Variants in AOPEP observed in about 807,000 individuals in gnomAD.
The protein encoded by AOPEP is aminopeptidase O.
Under a neutral mutation model 98.1 loss-of-function variants are expected in AOPEP, and 77 were observed. The observed-to-expected ratio is 0.78, with a 90% CI of 0.65 to 0.95. The LOEUF (loss-of-function observed/expected upper bound fraction) is 0.95, where lower values mean the gene tolerates loss of function less well. Ranked by LOEUF, AOPEP falls within the 40% of genes least tolerant of loss-of-function variation. AOPEP has a pLI of 0.00. For missense variants in AOPEP, 1,024 were observed against 1,024.7 expected (o/e 1.00, Z 0.01); for synonymous variants, 346 against 365.3 (o/e 0.95, Z 0.60).
chr9:94,743,698 G>C (rs1490750851), intron 1 of AOPEP, among the ~76,000 whole-genome samples: 1 of 152,200 alleles, frequency 6.6e-6, no homozygotes, highest in Non-Finnish European at 1.5e-5. Context: ...GCTGGGAATG[G>C]AGTGGAGGAC....
the AOPEP span, among the ~76,000 whole-genome samples, chr9:95,109,262 A>C: frequency 3.0e-4 from 45 of 152,258 alleles, no homozygotes; most frequent in East Asian, 5.8e-3. Flanking sequence ...CATGGTTAGG[A>C]TATACCACAC....
chr9:94,832,505 T>C (rs1856210303), intron 5 of AOPEP, among the ~76,000 whole-genome samples: 2 of 152,198 alleles, frequency 1.3e-5, no homozygotes, highest in African/African-American at 2.4e-5. Flanking sequence ...CAAGATAGAC[T>C]TTGACTCCAA....
At chr9:95,119,904 G>A in the AOPEP span, among the ~76,000 whole-genome samples, 7 of 152,124 alleles carry the variant, frequency 4.6e-5, no homozygotes, top group Non-Finnish European at 8.8e-5. Flanking sequence ...TAGAAAAGGG[G>A]TCTTACTTTG....
chr9:94,933,738 T>C (rs1192065475), intron 7 of AOPEP: 15 of 896,790 alleles, frequency 1.7e-5, no homozygotes, highest in Non-Finnish European at 2.0e-5. Flanking sequence ...TTTTTTATTT[T>C]TATTTATTTT....
At position 95,044,836 on chromosome 9, in the gene AOPEP, C is replaced by T. The variant is rs536984010; in HGVS notation, c.2116-15858C>T. On this transcript the variant is annotated intron_variant, in intron 13 of 16. Coordinates refer to ENST00000375315, the MANE Select transcript of AOPEP (RefSeq NM_001193329.3). ...GCCCCTAGGGCCTGCACTAGAGAGG[C>T]GCTGGCAGTGGGGGAAGGGGGAGAG... Among the ~76,000 whole-genome samples the T allele has an allele frequency of 2.2e-4, 34 of 152,188 alleles. No individual in the cohort carries two copies. The East Asian group carries it at 5.8e-3, about 26-fold the overall frequency.
At chr9:94,992,884 C>T (rs2060987554) in intron 11 of AOPEP, among the ~76,000 whole-genome samples, 1 of 152,192 alleles carries the variant, frequency 6.6e-6, no homozygotes, top group African/African-American at 2.4e-5. Flanking sequence ...TTAAAAGTTG[C>T]CCTTAGCTTG....
intron 10 of AOPEP, among the ~76,000 whole-genome samples, chr9:94,968,302 G>A (rs2059331883): frequency 6.6e-6 from 1 of 152,156 alleles, no homozygotes; most frequent in South Asian, 2.1e-4. Flanking sequence ...AGGATGGAGT[G>A]TGGTGGCAAG....
At chr9:95,135,669 T>C in the AOPEP span, 34 of 628,074 alleles carry the variant, frequency 5.4e-5, no homozygotes, top group Admixed American at 7.2e-4. Flanking sequence ...CAAGTGCTCA[T>C]TTGCAAAATA....
At chr9:94,844,446 G>A (rs1790526405) in intron 5 of AOPEP, among the ~76,000 whole-genome samples, 1 of 152,134 alleles carries the variant, frequency 6.6e-6, no homozygotes, top group African/African-American at 2.4e-5. Flanking sequence ...GGTCAAATCG[G>A]AGTAATTATC....
chr9:94,952,476 G>A (rs996897270), intron 7 of AOPEP, among the ~76,000 whole-genome samples: 1 of 152,098 alleles, frequency 6.6e-6, no homozygotes, highest in African/African-American at 2.4e-5. Context: ...ATCCCCATAG[G>A]TCAGTTTTGC....
chr9:94,763,762 G>A (rs1181670338), intron 2 of AOPEP, among the ~76,000 whole-genome samples: 2 of 152,164 alleles, frequency 1.3e-5, no homozygotes, highest in African/African-American at 2.4e-5. Context: ...GGGGCCGTCC[G>A]AAAGAGCTCC....
At chr9:95,072,929 C>T (rs960736644) in intron 14 of AOPEP, among the ~76,000 whole-genome samples, 1 of 152,218 alleles carries the variant, frequency 6.6e-6, no homozygotes, top group Non-Finnish European at 1.5e-5. Context: ...GAGTTCAGCT[C>T]CATGGAACCT....
At chr9:95,045,372 A>G (rs2065759455) in intron 13 of AOPEP, among the ~76,000 whole-genome samples, 2 of 152,208 alleles carry the variant, frequency 1.3e-5, no homozygotes, top group Admixed American at 6.5e-5. Flanking sequence ...CGCTGCGTCC[A>G]CTGCGGACAG....
intron 5 of AOPEP, among the ~76,000 whole-genome samples, chr9:94,838,399 A>G (rs1033737854): frequency 4.6e-5 from 7 of 152,158 alleles, no homozygotes; most frequent in Non-Finnish European, 7.4e-5. Context: ...ATCAGTGACC[A>G]TGCTTGTGTG....
At chr9:95,002,361 G>A (rs1245432221) in intron 11 of AOPEP, among the ~76,000 whole-genome samples, 1 of 152,092 alleles carries the variant, frequency 6.6e-6, no homozygotes, top group East Asian at 1.9e-4. Context: ...AAAAGATACG[G>A]GATCTCTTTC....
At chr9:94,984,562 A>G (rs2060398818) in intron 11 of AOPEP, among the ~76,000 whole-genome samples, 1 of 152,242 alleles carries the variant, frequency 6.6e-6, no homozygotes, top group African/African-American at 2.4e-5. Context: ...TAAATATTTC[A>G]TCAATGTTTT....
At chr9:94,976,779 A>C (rs2059874711) in intron 10 of AOPEP, among the ~76,000 whole-genome samples, 1 of 150,122 alleles carries the variant, frequency 6.7e-6, no homozygotes, top group African/African-American at 2.5e-5. Flanking sequence ...CCATTCTCCC[A>C]CCTCAGCCTC....
chr9:94,811,633 C>T (rs898776756), intron 5 of AOPEP, among the ~76,000 whole-genome samples: 1 of 152,168 alleles, frequency 6.6e-6, no homozygotes, highest in African/African-American at 2.4e-5. Flanking sequence ...CAGAGCTCAG[C>T]AGGGTGCACT....
the AOPEP span, among the ~76,000 whole-genome samples, chr9:95,102,773 G>A: frequency 6.6e-6 from 1 of 152,214 alleles, no homozygotes; most frequent in African/African-American, 2.4e-5. Context: ...ACCACTAAAG[G>A]GAGCCTCTTG....
Sources: gnomAD v4.1 joint callset for allele counts (sites outside exome capture counted in the v4.1 genomes callset) on GRCh38, gnomAD v4.1.1 for gene constraint, MANE v1.5 for transcripts, NCBI Gene and HGNC (gene_info 2026-07-23, HGNC 2026-07-21) for gene names.